The following NFATC3 variants were observed in gnomAD, a reference collection of about 807,000 sequenced individuals.
NFATC3 encodes the protein nuclear factor of activated T cells 3, also known as nuclear factor of activated T-cells, cytoplasmic 3.
In NFATC3, 46 loss-of-function variants were observed where a neutral mutation model predicts 98.6. That is an observed-to-expected ratio of 0.47 (90% CI 0.37 to 0.60). The LOEUF is 0.60. Ranked by LOEUF, NFATC3 falls within the 20% of genes least tolerant of loss-of-function variation. The probability of loss-of-function intolerance (pLI) is 0.00; values close to 1 mark genes in which losing one functional copy is unlikely to be tolerated. For missense variants in NFATC3, 1,256 were observed against 1,295.5 expected (o/e 0.97, Z 0.47); for synonymous variants, 512 against 472.2 (o/e 1.08, Z -1.09).
chr16:68,187,391 C>T (rs2040248934), intron 8 of NFATC3, among the ~76,000 whole-genome samples: 1 of 152,210 alleles, frequency 6.6e-6, no homozygotes, highest in South Asian at 2.1e-4. Flanking sequence ...TGTTTCAACC[C>T]TGTTTGTATT....
intron 1 of NFATC3, among the ~76,000 whole-genome samples, chr16:68,118,296 T>TA (rs2036395772): frequency 6.6e-6 from 1 of 152,208 alleles, no homozygotes; most frequent in South Asian, 2.1e-4. Flanking sequence ...TAGTAGCACT[T>TA]ACCATTTTTA....
chr16:68,193,001 C>T (rs1049252741), intron 9 of NFATC3, among the ~76,000 whole-genome samples: 10 of 152,116 alleles, frequency 6.6e-5, no homozygotes, highest in African/African-American at 2.4e-4. Flanking sequence ...GGGTTCCACA[C>T]CTTGGATTCA....
intron 4 of NFATC3, among the ~76,000 whole-genome samples, chr16:68,166,061 ATTG>A (rs940571565): frequency 2.0e-5 from 3 of 152,224 alleles, no homozygotes; most frequent in Non-Finnish European, 4.4e-5. Context: ...AGCCTGATAG[ATTG>A]TTTTTATTAA....
intron 4 of NFATC3, among the ~76,000 whole-genome samples, chr16:68,163,388 C>T (rs893928915): frequency 7.6e-4 from 115 of 151,028 alleles, no homozygotes; most frequent in Non-Finnish European, 3.0e-4. Flanking sequence ...ACCTCCCTCC[C>T]GGACGGGGCG....
At chr16:68,158,652 C>T (rs542744742) in intron 4 of NFATC3, among the ~76,000 whole-genome samples, 1 of 152,000 alleles carries the variant, frequency 6.6e-6, no homozygotes, top group Non-Finnish European at 1.5e-5. Context: ...TCATTAGGGC[C>T]CCAAGCAAGT....
At chr16:68,205,887 C>T (rs2041125218) in intron 9 of NFATC3, among the ~76,000 whole-genome samples, 1 of 151,616 alleles carries the variant, frequency 6.6e-6, no homozygotes, top group African/African-American at 2.4e-5. Flanking sequence ...TGAATATTTG[C>T]ACCACTATCT....
intron 4 of NFATC3, among the ~76,000 whole-genome samples, chr16:68,163,307 G>C (rs2038988677): frequency 6.6e-6 from 1 of 151,786 alleles, no homozygotes; most frequent in Admixed American, 6.5e-5. Flanking sequence ...CTTCCCAGTA[G>C]GGGCGGCCGG....
intron 3 of NFATC3, among the ~76,000 whole-genome samples, chr16:68,146,798 T>C (rs1336093507): frequency 6.6e-6 from 1 of 152,214 alleles, no homozygotes; most frequent in African/African-American, 2.4e-5. Flanking sequence ...TACAGAAACA[T>C]AACAAACAAC....
intron 5 of NFATC3, among the ~76,000 whole-genome samples, chr16:68,168,472 T>G (rs185383158): frequency 0.057 from 5,679 of 100,068 alleles, 116 homozygotes; most frequent in Middle Eastern, 0.19. Flanking sequence ...TTGTATTCTT[T>G]TATTATTATT....
At chr16:68,217,896 A>G (rs1036804462) in intron 9 of NFATC3, 7 of 1,226,064 alleles carry the variant, frequency 5.7e-6, no homozygotes, top group East Asian at 3.2e-5. Flanking sequence ...GAAGCCAGGA[A>G]ATATACTCTG....
At chr16:68,209,852 C>G (rs2041302488) in intron 9 of NFATC3, 1 of 254,252 alleles carries the variant, frequency 3.9e-6, no homozygotes, top group Non-Finnish European at 7.9e-6. Context: ...CACACACAGA[C>G]ACACACACAC....
At chr16:68,218,391 A>C (rs1405397301) in intron 9 of NFATC3, among the ~76,000 whole-genome samples, 1 of 151,344 alleles carries the variant, frequency 6.6e-6, no homozygotes, top group Admixed American at 6.6e-5. Context: ...CCTGGGCAAC[A>C]TGGCAAACCC....
rs200479740 is a variant in NFATC3, at chr16:68,122,088, T to C, written c.205T>C (p.Ser69Pro). The stretch of plus-strand genomic sequence containing the variant: ...TTGCTTACCACATCATGGATTACCG[T>C]CTCACTCTTCTGTTTTGTCACCATC... ...PLCLPHHGLPSHSSVLSPSFQ... is the reference protein window; with the variant it reads ...PLCLPHHGLPPHSSVLSPSFQ... The change falls in exon 2 of 10, where the codon TCT becomes CCT. Residue 69 changes from serine to proline, a missense_variant. This residue lies in a region of NFATC3 where 464 missense variants were observed against 465.7 expected (regional missense o/e 1.00). Transcript: ENST00000346183. 3.7e-6 allele frequency: 6 copies of C among 1,614,136 alleles called. No individual in the cohort carries two copies. The East Asian group carries it at 1.3e-4, about 36-fold the overall frequency.
chr16:68,137,005 G>A (rs2151531530), intron 3 of NFATC3, among the ~76,000 whole-genome samples: 1 of 152,296 alleles, frequency 6.6e-6, no homozygotes, highest in Middle Eastern at 3.4e-3. Context: ...AGTGAATAGT[G>A]AATGAATATG....
intron 3 of NFATC3, among the ~76,000 whole-genome samples, chr16:68,131,534 T>C (rs2037113251): frequency 6.6e-6 from 1 of 152,042 alleles, no homozygotes; most frequent in Admixed American, 6.6e-5. Context: ...CACCTCGGCC[T>C]CCCAGAGTGC....
At chr16:68,113,205 T>G (rs2036077416) in intron 1 of NFATC3, among the ~76,000 whole-genome samples, 1 of 152,222 alleles carries the variant, frequency 6.6e-6, no homozygotes, top group Admixed American at 6.5e-5. Context: ...CATTGATTCT[T>G]TCTCATCTTT....
chr16:68,216,293 G>C (rs2041633873), intron 9 of NFATC3, among the ~76,000 whole-genome samples: 1 of 152,154 alleles, frequency 6.6e-6, no homozygotes, highest in African/African-American at 2.4e-5. Context: ...ATTTTAAAAT[G>C]CTTCTGAGTC....
chr16:68,173,792 TG>T, intron 5 of NFATC3, among the ~76,000 whole-genome samples: 2 of 152,286 alleles, frequency 1.3e-5, no homozygotes, highest in East Asian at 3.9e-4. Context: ...GTAAATGTGT[TG>T]GAGTCAGTAT....
Position 68,163,621 on chromosome 16 carries a change from C to T in NFATC3, c.1602-3222C>T, listed in dbSNP as rs559415232. On this transcript the variant is annotated intron_variant, in intron 4 of 9. Transcript: ENST00000346183. ...CTTCCCAGACGGGGCGGCTGCCGGG[C>T]GGATGGGCTCCTCACTTCTCAGACG... is the stretch of plus-strand genomic sequence containing the variant. Among the ~76,000 whole-genome samples the T allele has an allele frequency of 3.4e-3, 508 of 150,092 alleles. 4 individuals are homozygous for T. The highest frequency in any genetic ancestry group is 0.011 in the African/African-American group (464 of 40,724).
Sources: gnomAD v4.1 joint callset for allele counts (sites outside exome capture counted in the v4.1 genomes callset) on GRCh38, gnomAD v4.1.1 for gene constraint, gnomAD v4.1.1 regional missense constraint, MANE v1.5 for transcripts, NCBI Gene and HGNC (gene_info 2026-07-23, HGNC 2026-07-21) for gene names.